MTFR1: variants seen among roughly 807,000 people sequenced by gnomAD.
MTFR1 encodes chondrocyte protein with a poly-proline region.
MTFR1 carries 28 observed loss-of-function variants against 38.8 expected under a neutral mutation model. That is an observed-to-expected ratio of 0.72 (90% CI 0.53 to 0.99). The LOEUF (loss-of-function observed/expected upper bound fraction) is 0.99, where lower values mean the gene tolerates loss of function less well. Ranked by LOEUF, MTFR1 falls within the 50% of genes least tolerant of loss-of-function variation. MTFR1 has a pLI of 0.00. For synonymous variants in MTFR1, 145 were observed against 137.0 expected (o/e 1.06, Z -0.41); for missense variants, 358 against 395.5 (o/e 0.91, Z 0.81).
chr8:65,709,280 G>C lies in MTFR1; in HGVS notation c.*236G>C, dbSNP rs1033776437. The C allele has an allele frequency of 1.6e-5, 7 of 440,582 alleles. No homozygotes were observed. The highest frequency in any genetic ancestry group is 3.6e-5 in the Admixed American group (1 of 27,400). The allele number at this position is 440,582 out of a possible 1,614,324, so 27.3% of individuals were successfully genotyped here. Reference sequence around the variant, plus strand: ...TGTTCTGACATGTTTCTAATATGTGGCCAGGGCGTTCAGATTTCCAGTTTT... The same window carrying C: ...TGTTCTGACATGTTTCTAATATGTGCCCAGGGCGTTCAGATTTCCAGTTTT... On this transcript the variant is annotated 3_prime_UTR_variant, in exon 8 of 8. Coordinates refer to ENST00000262146, the MANE Select transcript of MTFR1 (RefSeq NM_014637.4).
At chr8:65,673,605 TA>T (rs111437172) in intron 2 of MTFR1, among the ~76,000 whole-genome samples, 6,562 of 142,002 alleles carry the variant, frequency 0.046, 190 homozygotes, top group Non-Finnish European at 0.068. Context: ...AAAGTATAAT[TA>T]AAAAAAAAAA....
intron 1 of MTFR1, among the ~76,000 whole-genome samples, chr8:65,662,109 C>T (rs1190119061): frequency 2.0e-5 from 2 of 101,940 alleles, no homozygotes; most frequent in Non-Finnish European, 4.6e-5. Context: ...TCCACAGTCT[C>T]CCTCTCCCTC....
chr8:65,729,707 C>T (rs371556896), intron 3 of MTFR1, among the ~76,000 whole-genome samples: 47 of 150,798 alleles, frequency 3.1e-4, no homozygotes, highest in South Asian at 4.2e-4. Flanking sequence ...GGATTATAGG[C>T]GCCTACCACC....
the MTFR1 span, among the ~76,000 whole-genome samples, chr8:65,776,338 C>G: frequency 6.6e-6 from 1 of 152,050 alleles, no homozygotes; most frequent in African/African-American, 2.4e-5. Flanking sequence ...ATTAACATCA[C>G]CTTGACTTAA....
downstream of MTFR1, among the ~76,000 whole-genome samples, chr8:65,713,407 C>A (rs374807042): frequency 1.8e-4 from 27 of 151,156 alleles, no homozygotes; most frequent in East Asian, 1.8e-3. Context: ...CACCGCTCCA[C>A]TCTAGCCTGG....
intron 7 of MTFR1, 33 bp downstream of exon 7, chr8:65,708,044 T>G: frequency 5.0e-6 from 8 of 1,608,430 alleles, no homozygotes; most frequent in Non-Finnish European, 5.9e-6. Flanking sequence ...TTTCCTGTTA[T>G]GTAGAAATCC....
intron 3 of MTFR1, among the ~76,000 whole-genome samples, chr8:65,763,099 A>G (rs1241900728): frequency 6.6e-6 from 1 of 151,896 alleles, no homozygotes; most frequent in African/African-American, 2.4e-5. Flanking sequence ...AGCCACTCGT[A>G]ATCTAAAAAT....
chr8:65,715,996 C>CAAAAAAAAA (rs779701295), intron 2 of MTFR1, among the ~76,000 whole-genome samples: 1 of 33,868 alleles, frequency 3.0e-5, no homozygotes, highest in African/African-American at 1.3e-4. Context: ...GGCTCTGTCT[C>CAAAAAAAAA]AAAAAAAAAA....
At chr8:65,705,386 A>G (rs761314193) in intron 5 of MTFR1, among the ~76,000 whole-genome samples, 2 of 152,186 alleles carry the variant, frequency 1.3e-5, no homozygotes, top group African/African-American at 2.4e-5. Context: ...TCCAACAACA[A>G]CCAGGTCAGG....
chr8:65,724,824 C>T, intron 3 of MTFR1: 1 of 1,612,340 alleles, frequency 6.2e-7, no homozygotes, highest in Middle Eastern at 1.7e-4. Context: ...CATAAATCAC[C>T]TCTATCCAAA....
chr8:65,664,656 G>A (rs1804322374), intron 1 of MTFR1, among the ~76,000 whole-genome samples: 1 of 148,938 alleles, frequency 6.7e-6, no homozygotes, highest in Non-Finnish European at 1.5e-5. Flanking sequence ...GAGTACAGTG[G>A]CACAACCTCA....
rs775182104 is a variant in MTFR1, at chr8:65,747,716, A to G, written c.*49-23231A>G. On this transcript the variant is annotated intron_variant, in intron 3 of 3. Transcript: ENST00000521247. ...GGAATTTGAAACCGCAGTACCACGA[A>G]AAAAGCGTGAAGATCTAAGATATCG... is the stretch of plus-strand genomic sequence containing the variant. 10 of 1,611,726 alleles carry G rather than the reference A, an allele frequency of 6.2e-6. No individual in the cohort carries two copies. The Admixed American group carries it at 1.2e-4, about 19-fold the overall frequency.
At chr8:65,703,543 T>A (rs1199860296) in intron 4 of MTFR1, among the ~76,000 whole-genome samples, 3 of 148,446 alleles carry the variant, frequency 2.0e-5, no homozygotes, top group Non-Finnish European at 4.4e-5. Context: ...AAGTGATTCT[T>A]GTACCTCAGC....
downstream of MTFR1, among the ~76,000 whole-genome samples, chr8:65,772,724 C>T (rs1024620997): frequency 7.9e-5 from 12 of 152,192 alleles, no homozygotes; most frequent in African/African-American, 2.9e-4. Context: ...GTTAAACTGG[C>T]CAGGTGCGGT....
intron 1 of MTFR1, among the ~76,000 whole-genome samples, chr8:65,664,861 T>A (rs1479392857): frequency 6.6e-6 from 1 of 151,960 alleles, no homozygotes; most frequent in East Asian, 1.9e-4. Flanking sequence ...GTGCTGGGAT[T>A]ACAGGCGTGA....
chr8:65,649,252 T>G (rs771831181), intron 1 of MTFR1, among the ~76,000 whole-genome samples: 48 of 152,070 alleles, frequency 3.2e-4, no homozygotes, highest in Non-Finnish European at 5.9e-4. Context: ...ACACACGATC[T>G]CGGCTCACTG....
At chr8:65,681,902 G>A (rs1804905704) in intron 2 of MTFR1, 1 of 152,628 alleles carries the variant, frequency 6.6e-6, no homozygotes, top group South Asian at 2.1e-4. Flanking sequence ...TACACATTCA[G>A]ATTCTGAACT....
rs527362096 is a variant in MTFR1, at chr8:65,707,819, T to C, written c.765-24T>C. On this transcript the variant is annotated intron_variant, in intron 6 of 7. Transcript: ENST00000262146. ...GTGGCCAGTGTATTGATCTGTCCCC[T>C]TGGTTTGTGTTCACTTCTCTAAGGT... 5 of 1,610,034 alleles carry C rather than the reference T, an allele frequency of 3.1e-6. No homozygotes were observed. The African/African-American group carries it at 4.0e-5, about 13-fold the overall frequency.
At chr8:65,644,662 C>T (rs1808897855), upstream of MTFR1, 3 of 152,288 alleles carry the variant, frequency 2.0e-5, no homozygotes, top group Admixed American at 1.3e-4. Flanking sequence ...CCTGAGGAAA[C>T]AGCTGATTGA....
Sources: gnomAD v4.1 joint callset for allele counts (sites outside exome capture counted in the v4.1 genomes callset) on GRCh38, gnomAD v4.1.1 for gene constraint, MANE v1.5 for transcripts, NCBI Gene and HGNC (gene_info 2026-07-23, HGNC 2026-07-21) for gene names.